Variants in AVEN observed in about 807,000 individuals in gnomAD.
AVEN encodes the protein cell death regulator Aven.
In AVEN, 41 loss-of-function variants were observed where a neutral mutation model predicts 38.1. The ratio of observed to expected loss-of-function variants is 1.08; its 90% CI spans 0.84 to 1.40. The LOEUF (loss-of-function observed/expected upper bound fraction) is 1.40, where lower values mean the gene tolerates loss of function less well. Ranked by LOEUF, AVEN falls within the 40% of genes most tolerant of loss-of-function variation. The probability of loss-of-function intolerance (pLI) is 0.00; values close to 1 mark genes in which losing one functional copy is unlikely to be tolerated. For synonymous variants in AVEN, 206 were observed against 171.8 expected (o/e 1.20, Z -1.56); for missense variants, 605 against 438.8 (o/e 1.38, Z -3.38).
chr15:33,959,698 A>T (rs1274211250), intron 2 of AVEN, among the ~76,000 whole-genome samples: 1 of 152,256 alleles, frequency 6.6e-6, no homozygotes, highest in Non-Finnish European at 1.5e-5. Context: ...GAGGAGGCAG[A>T]GCTGGTCCTT....
intron 2 of AVEN, among the ~76,000 whole-genome samples, chr15:33,899,448 T>C (rs1461701752): frequency 3.3e-5 from 5 of 149,500 alleles, no homozygotes; most frequent in Admixed American, 6.8e-5. Context: ...ATTTATTTGC[T>C]TCAGGGAAAA....
intron 2 of AVEN, among the ~76,000 whole-genome samples, chr15:33,926,843 G>C (rs1208207111): frequency 1.3e-5 from 2 of 152,104 alleles, no homozygotes; most frequent in African/African-American, 4.8e-5. Flanking sequence ...TTAGTAAAGA[G>C]AGGGTTTTGC....
intron 3 of AVEN, among the ~76,000 whole-genome samples, chr15:33,871,568 C>CA (rs999560521): frequency 1.1e-3 from 159 of 142,142 alleles, no homozygotes; most frequent in South Asian, 5.0e-3. Context: ...AACTCCATCT[C>CA]AAAAAAAAAA....
At position 33,936,749 on chromosome 15, in the gene AVEN, C is replaced by T. The variant is rs537219429; in HGVS notation, c.446-60754G>A. On this transcript the variant is annotated intron_variant, in intron 2 of 5. Transcript: ENST00000306730. ...AAGAATAACAAATTAGGAGTTTTAC[C>T]ATCTCAGATATTAAGATTTATTGTA... Among the ~76,000 whole-genome samples, 14 of 152,242 alleles carry T rather than the reference C, an allele frequency of 9.2e-5. No homozygotes were observed. In the South Asian group the frequency reaches 2.9e-3, roughly 32 times the overall value.
chr15:33,937,932 C>CAAAAAAAAA (rs55887919), intron 2 of AVEN, among the ~76,000 whole-genome samples: 12 of 100,866 alleles, frequency 1.2e-4, no homozygotes, highest in East Asian at 3.6e-4. Context: ...CCTACTTGAC[C>CAAAAAAAAA]AAAAAAAAAA....
intron 1 of AVEN, among the ~76,000 whole-genome samples, chr15:34,034,027 T>C (rs2632097): frequency 0.99 from 151,039 of 152,226 alleles, 74,943 homozygotes; most frequent in East Asian, 1. Context: ...CCTTGTGATC[T>C]GCCCACCTCA....
At chr15:34,023,640 T>C (rs1898308939) in intron 1 of AVEN, among the ~76,000 whole-genome samples, 1 of 152,208 alleles carries the variant, frequency 6.6e-6, no homozygotes, top group South Asian at 2.1e-4. Context: ...CTCTGACCTC[T>C]GGAACACTGT....
intron 11 of AVEN, among the ~76,000 whole-genome samples, chr15:33,859,288 C>G (rs377330617): frequency 1.3e-5 from 2 of 152,262 alleles, no homozygotes; most frequent in South Asian, 4.1e-4. Flanking sequence ...ATAGGCCATA[C>G]TCATCAAGGC....
chr15:34,023,926 T>C (rs1008500624), intron 1 of AVEN, among the ~76,000 whole-genome samples: 4 of 152,192 alleles, frequency 2.6e-5, no homozygotes, highest in Non-Finnish European at 4.4e-5. Context: ...TAGAGGACTC[T>C]ATCCAGAGAG....
chr15:34,073,335 G>A (rs1412660644), intron 1 of AVEN, among the ~76,000 whole-genome samples: 1 of 151,010 alleles, frequency 6.6e-6, no homozygotes, highest in Non-Finnish European at 1.5e-5. Flanking sequence ...GATTACAGGC[G>A]TGAGCCACCG....
At chr15:34,015,469 G>A (rs538277166) in intron 1 of AVEN, among the ~76,000 whole-genome samples, 165 of 151,384 alleles carry the variant, frequency 1.1e-3, no homozygotes, top group African/African-American at 3.8e-3. Flanking sequence ...GTGACAGAGC[G>A]AGACTCCATC....
chr15:34,039,086 C>T lies in AVEN; in HGVS notation c.-40G>A, dbSNP rs1899333673. Reference sequence around the variant, plus strand: ...CGGTGCTGAGCGCGCGGGAGCCGAGCTGCGGCGGAGACGCCCTGGCCCCAC... The same window carrying T: ...CGGTGCTGAGCGCGCGGGAGCCGAGTTGCGGCGGAGACGCCCTGGCCCCAC... On this transcript the variant is annotated 5_prime_UTR_variant, in exon 1 of 6. Transcript: ENST00000306730. The T allele has an allele frequency of 1.9e-6, 2 of 1,078,702 alleles. No individual in the cohort carries two copies. The highest frequency in any genetic ancestry group is 2.2e-6 in the Non-Finnish European group (2 of 891,014). The allele number at this position is 1,078,702 out of a possible 1,614,324, so 66.8% of individuals were successfully genotyped here.
At chr15:33,864,530 T>A (rs1889766200), downstream of AVEN, among the ~76,000 whole-genome samples, 1 of 151,786 alleles carries the variant, frequency 6.6e-6, no homozygotes, top group African/African-American at 2.4e-5. Flanking sequence ...TACAACGGAG[T>A]GAGAGACAGG....
At chr15:33,865,062 CA>C (rs1890019807), downstream of AVEN, 21 of 1,284,084 alleles carry the variant, frequency 1.6e-5, no homozygotes, top group Non-Finnish European at 2.4e-5. Context: ...CCACAAAGAA[CA>C]AAAACAAACT....
At chr15:33,866,187 CG>C (rs1178357567), downstream of AVEN, 1 of 171,694 alleles carries the variant, frequency 5.8e-6, no homozygotes, top group Non-Finnish European at 1.3e-5. Context: ...GGACATGAGA[CG>C]AATTGCCCAG....
At chr15:33,875,328 A>G (rs1891172752) in intron 3 of AVEN, among the ~76,000 whole-genome samples, 3 of 152,204 alleles carry the variant, frequency 2.0e-5, no homozygotes, top group African/African-American at 7.2e-5. Flanking sequence ...GGGGGAGAAT[A>G]TCTGTCATCT....
chr15:34,072,876 C>G (rs1900656702), intron 1 of AVEN, among the ~76,000 whole-genome samples: 1 of 151,834 alleles, frequency 6.6e-6, no homozygotes, highest in Non-Finnish European at 1.5e-5. Flanking sequence ...GTCTCGATCT[C>G]CTGACCTTTT....
Position 33,872,279 on chromosome 15 carries a change from C to T in AVEN, c.517-1249G>A, listed in dbSNP as rs1481718780. Among the ~76,000 whole-genome samples, 3 of 152,264 alleles carry T rather than the reference C, an allele frequency of 2.0e-5. No homozygotes were observed. The East Asian group carries it at 5.8e-4, about 29-fold the overall frequency. ...TGCAAGCCTGAAGCTTCCTCTCTGG[C>T]CAGGAATCATAAGACTCTGAGTGTC... is the stretch of plus-strand genomic sequence containing the variant. On this transcript the variant is annotated intron_variant, in intron 3 of 5. Transcript: ENST00000306730.
intron 2 of AVEN, among the ~76,000 whole-genome samples, chr15:33,886,045 G>A (rs74655142): frequency 1.3e-5 from 2 of 152,158 alleles, no homozygotes; most frequent in Non-Finnish European, 2.9e-5. Flanking sequence ...TAAGATCTTA[G>A]AACTGATCTG....
Sources: allele counts gnomAD v4.1 joint callset (sites outside exome capture counted in the v4.1 genomes callset), GRCh38; gene constraint gnomAD v4.1.1; transcripts MANE v1.5; gene names NCBI Gene and HGNC (gene_info 2026-07-23, HGNC 2026-07-21).